ANKS1A: variants seen among roughly 807,000 people sequenced by gnomAD.
ANKS1A encodes the protein ankyrin repeat and sterile alpha motif domain containing 1A.
In ANKS1A, 55 loss-of-function variants were observed where a neutral mutation model predicts 120.3. That is an observed-to-expected ratio of 0.46 (90% confidence interval 0.37 to 0.57). ANKS1A has a LOEUF of 0.57. ANKS1A is among the 20% of genes least tolerant of loss of function. The probability of loss-of-function intolerance (pLI) is 0.00; values close to 1 mark genes in which losing one functional copy is unlikely to be tolerated. For missense variants in ANKS1A, 1,123 were observed against 1,480.3 expected (o/e 0.76, Z 3.96); for synonymous variants, 590 against 604.7 (o/e 0.98, Z 0.36).
intron 1 of ANKS1A, among the ~76,000 whole-genome samples, chr6:34,908,582 T>G (rs1670048886): frequency 6.6e-6 from 1 of 152,206 alleles, no homozygotes; most frequent in Non-Finnish European, 1.5e-5. Flanking sequence ...GTACTTTGTT[T>G]GTTGGTTGAA....
intron 1 of ANKS1A, among the ~76,000 whole-genome samples, chr6:34,926,618 G>C (rs1768731058): frequency 6.6e-6 from 1 of 152,062 alleles, no homozygotes; most frequent in Non-Finnish European, 1.5e-5. Context: ...CTGTGCTTGA[G>C]GTAGATTTTT....
chr6:35,054,768 G>A (rs1259302919), intron 12 of ANKS1A, among the ~76,000 whole-genome samples: 2 of 152,220 alleles, frequency 1.3e-5, no homozygotes, highest in Admixed American at 6.5e-5. Flanking sequence ...TTGAAACAGG[G>A]AATGGGGAGG....
At chr6:35,047,704 T>C (rs1679647345) in intron 11 of ANKS1A, among the ~76,000 whole-genome samples, 1 of 152,224 alleles carries the variant, frequency 6.6e-6, no homozygotes. Flanking sequence ...ATAAAGTTAA[T>C]TGGAATCTAG....
At chr6:34,952,308 C>T (rs1358451268) in intron 1 of ANKS1A, among the ~76,000 whole-genome samples, 1 of 152,176 alleles carries the variant, frequency 6.6e-6, no homozygotes, top group African/African-American at 2.4e-5. Flanking sequence ...AGAAAGGAGT[C>T]TGAAAGTCTG....
intron 23 of ANKS1A, among the ~76,000 whole-genome samples, chr6:35,087,844 C>T (rs1452701016): frequency 1.3e-5 from 2 of 152,228 alleles, no homozygotes; most frequent in Admixed American, 6.5e-5. Context: ...CCTTCCCCTC[C>T]AAGGAGGTGG....
At chr6:35,096,264 T>C (rs2140420), downstream of ANKS1A, among the ~76,000 whole-genome samples, 98,269 of 152,078 alleles carry the variant, frequency 0.65, 31,940 homozygotes, top group Middle Eastern at 0.79. Flanking sequence ...TACAAGTCTG[T>C]CTTTAATAAA....
Position 34,958,633 on chromosome 6 carries a change from G to C in ANKS1A, c.198-8606G>C, listed in dbSNP as rs144573355. On this transcript the variant is annotated intron_variant, in intron 1 of 23. Transcript: ENST00000360359. The stretch of plus-strand genomic sequence containing the variant: ...CTTGAATCTCTTCAGCGGCATACAG[G>C]ACCCTTTCTGATTTGACTCTGCCGG... Among the ~76,000 whole-genome samples the C allele has an allele frequency of 3.2e-3, 485 of 152,228 alleles. 9 individuals carry two copies. The highest frequency in any genetic ancestry group is 0.02 in the Middle Eastern group (6 of 294).
intron 13 of ANKS1A, among the ~76,000 whole-genome samples, chr6:35,072,995 T>A (rs1449069877): frequency 6.6e-6 from 1 of 152,228 alleles, no homozygotes; most frequent in African/African-American, 2.4e-5. Flanking sequence ...CATGCTCTAG[T>A]ACCATGGCCT....
chr6:34,929,931 C>T (rs1284742604), intron 1 of ANKS1A, among the ~76,000 whole-genome samples: 1 of 151,820 alleles, frequency 6.6e-6, no homozygotes, highest in African/African-American at 2.4e-5. Context: ...GCCTTACTTT[C>T]TATCCTACTT....
At chr6:34,906,756 A>T (rs1163085009) in intron 1 of ANKS1A, among the ~76,000 whole-genome samples, 3 of 152,242 alleles carry the variant, frequency 2.0e-5, no homozygotes, top group Non-Finnish European at 4.4e-5. Context: ...CAGAATATTT[A>T]TTAATTCCTA....
intron 10 of ANKS1A, among the ~76,000 whole-genome samples, chr6:35,000,881 T>A (rs930887658): frequency 3.4e-5 from 5 of 148,684 alleles, no homozygotes; most frequent in Non-Finnish European, 7.5e-5. Context: ...ATGTTAATTG[T>A]AAAAAAAAAA....
intron 1 of ANKS1A, among the ~76,000 whole-genome samples, chr6:34,961,309 T>C (rs563208605): frequency 6.6e-6 from 1 of 152,162 alleles, no homozygotes; most frequent in South Asian, 2.1e-4. Flanking sequence ...GAAACTTGGG[T>C]GGAGGGGGAT....
intron 1 of ANKS1A, among the ~76,000 whole-genome samples, chr6:34,916,597 T>C (rs191412545): frequency 6.6e-6 from 1 of 152,286 alleles, no homozygotes; most frequent in Admixed American, 6.5e-5. Flanking sequence ...GTTTGCCAGA[T>C]GTCTTATTTT....
intron 11 of ANKS1A, among the ~76,000 whole-genome samples, chr6:35,042,213 C>T (rs1775495667): frequency 6.6e-6 from 1 of 152,138 alleles, no homozygotes; most frequent in African/African-American, 2.4e-5. Context: ...TTGAGGTCAG[C>T]ATGGGGCTGA....
At chr6:35,038,862 G>A (rs1340297494) in intron 11 of ANKS1A, among the ~76,000 whole-genome samples, 1 of 152,118 alleles carries the variant, frequency 6.6e-6, no homozygotes, top group Non-Finnish European at 1.5e-5. Flanking sequence ...ATTGTTAAAT[G>A]TTTGTCTTTA....
At chr6:34,971,108 A>G (rs1214493045) in intron 3 of ANKS1A, among the ~76,000 whole-genome samples, 1 of 152,246 alleles carries the variant, frequency 6.6e-6, no homozygotes. Flanking sequence ...TACATACATC[A>G]GAACTTGCAG....
chr6:35,079,929 G>T lies in ANKS1A; in HGVS notation c.2544+1G>T. 6.4e-7 allele frequency: 1 copy of T among 1,554,496 alleles called. No homozygotes were observed. The highest frequency in any genetic ancestry group is 2.4e-5 in the East Asian group (1 of 41,278). ...GCCCCCCAGATTCTCCCAGCTGAGG[G>T]TGAGTCGGGGAGGGACAGAAAGGAA... is the stretch of plus-strand genomic sequence containing the variant. On this transcript the variant is annotated splice_donor_variant, in intron 16 of 23. Transcript: ENST00000360359. LOFTEE classifies it high-confidence loss of function.
At chr6:35,035,787 T>C (rs1775135113) in intron 11 of ANKS1A, among the ~76,000 whole-genome samples, 1 of 152,262 alleles carries the variant, frequency 6.6e-6, no homozygotes, top group Non-Finnish European at 1.5e-5. Context: ...CAAGAGCGTT[T>C]CCTGCCGGTT....
chr6:35,021,865 A>G (rs1377270539), intron 11 of ANKS1A, among the ~76,000 whole-genome samples: 1 of 152,116 alleles, frequency 6.6e-6, no homozygotes, highest in East Asian at 1.9e-4. Context: ...ATGTGTCAGT[A>G]GTCCCACCCA....
Sources: gnomAD v4.1 joint callset for allele counts (sites outside exome capture counted in the v4.1 genomes callset) on GRCh38, gnomAD v4.1.1 for gene constraint, MANE v1.5 for transcripts, NCBI Gene and HGNC (gene_info 2026-07-23, HGNC 2026-07-21) for gene names.